The following SCP2 variants were observed in gnomAD, a reference collection of about 807,000 sequenced individuals.
SCP2 encodes the protein SCP-2/3-oxoacyl-CoA thiolase.
Under a neutral mutation model 71.4 loss-of-function variants are expected in SCP2, and 48 were observed. The ratio of observed to expected loss-of-function variants is 0.67; its 90% CI spans 0.53 to 0.86. The LOEUF (loss-of-function observed/expected upper bound fraction) is 0.86, where lower values mean the gene tolerates loss of function less well. SCP2 is among the 40% of genes least tolerant of loss of function. The pLI is 0.00. For missense variants in SCP2, 560 were observed against 655.6 expected (o/e 0.85, Z 1.59); for synonymous variants, 220 against 218.1 (o/e 1.01, Z -0.08).
At chr1:52,992,027 C>T (rs1659550119) in intron 11 of SCP2, among the ~76,000 whole-genome samples, 1 of 152,148 alleles carries the variant, frequency 6.6e-6, no homozygotes, top group African/African-American at 2.4e-5. Context: ...CTTGAAATAA[C>T]AATCAATATC....
At chr1:52,968,678 C>T (rs1216952525) in intron 6 of SCP2, among the ~76,000 whole-genome samples, 2 of 152,144 alleles carry the variant, frequency 1.3e-5, no homozygotes, top group Non-Finnish European at 2.9e-5. Context: ...CTGGCAGCCA[C>T]TCATCTACTT....
chr1:52,957,671 C>T (rs1056749258), intron 5 of SCP2, among the ~76,000 whole-genome samples: 5 of 152,212 alleles, frequency 3.3e-5, no homozygotes, highest in Admixed American at 6.5e-5. Flanking sequence ...TTAATTTTAA[C>T]AAAGTCCAGC....
At chr1:52,979,019 A>G (rs1658230599) in intron 9 of SCP2, among the ~76,000 whole-genome samples, 1 of 152,234 alleles carries the variant, frequency 6.6e-6, no homozygotes, top group South Asian at 2.1e-4. Flanking sequence ...ATTGCATGCT[A>G]AATTATAGTT....
At position 53,046,330 on chromosome 1, in the gene SCP2, C is replaced by CTT. The variant is rs749725244; in HGVS notation, c.1469-1512_1469-1511dup. 5.8e-5 allele frequency among the ~76,000 whole-genome samples: 7 copies of CTT among 120,900 alleles called. No homozygotes were observed. The South Asian group carries it at 8.0e-4, about 14-fold the overall frequency. The allele number at this position is 120,900 out of a possible 152,430, so 79.3% of individuals were successfully genotyped here. On this transcript the variant is annotated intron_variant, in intron 14 of 15. Coordinates refer to ENST00000371514, the MANE Select transcript of SCP2 (RefSeq NM_002979.5). ...CATCCTCACTAACACTGGGTATTGTCTTTTTTTTTTTTTTTTTAAATTTCA... is the reference window on the plus strand; with the variant it reads ...CATCCTCACTAACACTGGGTATTGTCTTTTTTTTTTTTTTTTTTTAAATTTCA...
At position 52,952,207 on chromosome 1, in the gene SCP2, A is replaced by G. The variant is rs1231844674; in HGVS notation, c.331+1321A>G. On this transcript the variant is annotated intron_variant, in intron 4 of 15. Coordinates refer to ENST00000371514, the MANE Select transcript of SCP2 (RefSeq NM_002979.5). ...GGATTTTCATATTCTGAATATTTAT[A>G]TAAATAGAATTGTACAATACATGGC... Among the ~76,000 whole-genome samples the G allele has an allele frequency of 2.0e-5, 3 of 152,170 alleles. No individual in the cohort carries two copies. The East Asian group carries it at 5.8e-4, about 29-fold the overall frequency.
chr1:52,951,193 G>A (rs971934953), intron 4 of SCP2, among the ~76,000 whole-genome samples: 2 of 151,864 alleles, frequency 1.3e-5, no homozygotes, highest in African/African-American at 4.8e-5. Context: ...GAGGTGGGAG[G>A]ATGACTTGAG....
intron 11 of SCP2, among the ~76,000 whole-genome samples, chr1:52,991,743 A>G (rs1340181155): frequency 6.6e-6 from 1 of 150,580 alleles, no homozygotes; most frequent in Non-Finnish European, 1.5e-5. Flanking sequence ...ATTTTTAACC[A>G]TTTTTGGAAA....
chr1:53,032,094 A>G (rs933016722), intron 13 of SCP2, among the ~76,000 whole-genome samples: 1 of 152,232 alleles, frequency 6.6e-6, no homozygotes, highest in Non-Finnish European at 1.5e-5. Context: ...ACCTTGAGAG[A>G]TAAAAGATTT....
intron 12 of SCP2, among the ~76,000 whole-genome samples, chr1:53,015,318 C>G (rs1661259841): frequency 6.6e-6 from 1 of 152,146 alleles, no homozygotes; most frequent in African/African-American, 2.4e-5. Context: ...CCCTAGCAAC[C>G]TAAGTTATTT....
intron 1 of SCP2, among the ~76,000 whole-genome samples, chr1:52,937,976 A>G (rs1006094518): frequency 1.3e-5 from 2 of 152,040 alleles, no homozygotes; most frequent in Non-Finnish European, 2.9e-5. Context: ...TTTCTGGAAA[A>G]GGGGCAGGGA....
chr1:53,011,605 G>T (rs1660992572), intron 11 of SCP2, among the ~76,000 whole-genome samples: 1 of 152,194 alleles, frequency 6.6e-6, no homozygotes, highest in Admixed American at 6.5e-5. Flanking sequence ...GTAACCAGTT[G>T]GTTGGAAGTA....
intron 6 of SCP2, among the ~76,000 whole-genome samples, chr1:52,963,872 A>G (rs1656706138): frequency 6.6e-6 from 1 of 152,136 alleles, no homozygotes; most frequent in Non-Finnish European, 1.5e-5. Context: ...AGCTATATTT[A>G]ATTTTAAATA....
At chr1:52,967,043 A>G (rs944199859) in intron 6 of SCP2, among the ~76,000 whole-genome samples, 2 of 150,882 alleles carry the variant, frequency 1.3e-5, no homozygotes, top group Non-Finnish European at 3.0e-5. Context: ...CAAAAAAATT[A>G]GTCAGGCATG....
intron 12 of SCP2, among the ~76,000 whole-genome samples, chr1:53,015,508 A>G (rs1019606770): frequency 6.6e-6 from 1 of 152,052 alleles, no homozygotes; most frequent in Admixed American, 6.6e-5. Flanking sequence ...ATGCTCCTCA[A>G]TTTGCAGGCA....
chr1:52,970,647 T>C (rs1185149804), intron 6 of SCP2, among the ~76,000 whole-genome samples: 1 of 152,080 alleles, frequency 6.6e-6, no homozygotes, highest in African/African-American at 2.4e-5. Context: ...AATATTTTCT[T>C]GGTATTTTCA....
chr1:52,993,060 A>G (rs900964369), intron 11 of SCP2: 9 of 961,984 alleles, frequency 9.4e-6, no homozygotes, highest in Admixed American at 5.8e-5. Flanking sequence ...AGAAAGGACT[A>G]GCCAGCTTCT....
chr1:52,967,364 T>G (rs1176924439), intron 6 of SCP2, among the ~76,000 whole-genome samples: 3 of 152,092 alleles, frequency 2.0e-5, no homozygotes, highest in Non-Finnish European at 4.4e-5. Context: ...CTATATCCAA[T>G]GGGGCCAATT....
At chr1:53,013,512 T>G (rs1572185874) in intron 11 of SCP2, among the ~76,000 whole-genome samples, 1 of 151,380 alleles carries the variant, frequency 6.6e-6, no homozygotes, top group Non-Finnish European at 1.5e-5. Context: ...GGAGAATCGC[T>G]GGAACCTGGG....
At chr1:52,995,236 G>A (rs1167182125) in intron 11 of SCP2, 3 of 500,902 alleles carry the variant, frequency 6.0e-6, no homozygotes, top group Non-Finnish European at 1.2e-5. Flanking sequence ...TCCACCCAAA[G>A]TGTCTGACAC....
Sources: allele counts gnomAD v4.1 joint callset (sites outside exome capture counted in the v4.1 genomes callset), GRCh38; gene constraint gnomAD v4.1.1; transcripts MANE v1.5; gene names NCBI Gene and HGNC (gene_info 2026-07-23, HGNC 2026-07-21).